The following NSMCE2 variants were observed in gnomAD, a reference collection of about 807,000 sequenced individuals.
The protein encoded by NSMCE2 is E3 SUMO-protein ligase NSE2.
In NSMCE2, 24 loss-of-function variants were observed where a neutral mutation model predicts 23.8. The observed-to-expected ratio is 1.01, with a 90% confidence interval of 0.73 to 1.42. NSMCE2 has a LOEUF of 1.42. Ranked by LOEUF, NSMCE2 falls within the 40% of genes most tolerant of loss-of-function variation. NSMCE2 has a pLI of 0.00. For missense variants in NSMCE2, 284 were observed against 296.5 expected (o/e 0.96, Z 0.31); for synonymous variants, 92 against 94.1 (o/e 0.98, Z 0.13).
chr8:125,274,632 G>A lies in NSMCE2; in HGVS notation c.419-82587G>A, dbSNP rs2131101453. On this transcript the variant is annotated intron_variant, in intron 5 of 7. Coordinates refer to ENST00000287437, the MANE Select transcript of NSMCE2 (RefSeq NM_173685.4). Reference sequence around the variant, plus strand: ...TTCACTGACAAGGAATAGAATTCTAGTAAGTAACTATTTGTGGCCAGGCAC... The same window carrying A: ...TTCACTGACAAGGAATAGAATTCTAATAAGTAACTATTTGTGGCCAGGCAC... Among the ~76,000 whole-genome samples the A allele has an allele frequency of 2.6e-5, 4 of 152,224 alleles. No individual in the cohort carries two copies. The South Asian group carries it at 8.3e-4, about 32-fold the overall frequency.
rs921682791 is a variant in NSMCE2, at chr8:125,315,620, C to CCT, written c.419-41598_419-41597dup. On this transcript the variant is annotated intron_variant, in intron 5 of 7. Transcript: ENST00000287437. ...AGCTTTCCCTCTCCTTTTAATAGAA[C>CCT]CTTGCTAAAGGTTAGTTCCTTTCCC... is the stretch of plus-strand genomic sequence containing the variant. Among the ~76,000 whole-genome samples the CCT allele has an allele frequency of 4.3e-4, 66 of 152,296 alleles. 2 individuals carry two copies. In the South Asian group the frequency reaches 0.013, roughly 31 times the overall value.
rs145125475 is a variant in NSMCE2, at chr8:125,310,566, C to T, written c.419-46653C>T. On this transcript the variant is annotated intron_variant, in intron 5 of 7. Transcript: ENST00000287437. Reference sequence around the variant, plus strand: ...GTTTTGTTGCTGTTTCTCATAACTACATTTAAATTCCCGGTTACTTTAAGC... The same window carrying T: ...GTTTTGTTGCTGTTTCTCATAACTATATTTAAATTCCCGGTTACTTTAAGC... Among the ~76,000 whole-genome samples the T allele has an allele frequency of 7.9e-3, 1,208 of 152,296 alleles. 10 individuals carry two copies. The highest frequency in any genetic ancestry group is 0.013 in the Non-Finnish European group (917 of 68,014).
At chr8:125,328,725 CA>C (rs1393558383) in intron 5 of NSMCE2, among the ~76,000 whole-genome samples, 1 of 152,200 alleles carries the variant, frequency 6.6e-6, no homozygotes, top group Non-Finnish European at 1.5e-5. Flanking sequence ...TCATCAGAAA[CA>C]GTAGCAACCT....
intron 5 of NSMCE2, among the ~76,000 whole-genome samples, chr8:125,249,973 A>G (rs1826136092): frequency 1.3e-5 from 2 of 152,132 alleles, no homozygotes; most frequent in South Asian, 2.1e-4. Context: ...GTATTTTATT[A>G]TTTATTTGTT....
intron 5 of NSMCE2, among the ~76,000 whole-genome samples, chr8:125,299,675 A>G (rs971317660): frequency 1.3e-5 from 2 of 152,068 alleles, no homozygotes; most frequent in Non-Finnish European, 2.9e-5. Context: ...CAACCCCTTT[A>G]ATGCATTTAT....
intron 5 of NSMCE2, among the ~76,000 whole-genome samples, chr8:125,298,203 T>C (rs1171705408): frequency 6.6e-6 from 1 of 152,212 alleles, no homozygotes; most frequent in Non-Finnish European, 1.5e-5. Flanking sequence ...GAGGTTGCAG[T>C]GAGCTGAGAT....
At chr8:125,221,397 C>T (rs1347619182) in intron 5 of NSMCE2, among the ~76,000 whole-genome samples, 1 of 152,200 alleles carries the variant, frequency 6.6e-6, no homozygotes, top group Non-Finnish European at 1.5e-5. Context: ...TTGTGTACCA[C>T]CATGCCTGGC....
chr8:125,170,710 C>T (rs1822157176), intron 4 of NSMCE2, among the ~76,000 whole-genome samples: 1 of 151,946 alleles, frequency 6.6e-6, no homozygotes, highest in Non-Finnish European at 1.5e-5. Flanking sequence ...ACCCAGCCAA[C>T]CTTATTATTT....
intron 5 of NSMCE2, among the ~76,000 whole-genome samples, chr8:125,339,813 T>C (rs1830174942): frequency 6.6e-6 from 1 of 152,120 alleles, no homozygotes; most frequent in African/African-American, 2.4e-5. Flanking sequence ...CACACTATGC[T>C]ACAGTCGTGG....
chr8:125,222,382 C>G (rs749899392), intron 5 of NSMCE2, among the ~76,000 whole-genome samples: 1 of 152,056 alleles, frequency 6.6e-6, no homozygotes. Flanking sequence ...CTTTTGAAAT[C>G]TCCTCTAAGT....
At chr8:125,192,564 C>T (rs1823404816) in intron 5 of NSMCE2, among the ~76,000 whole-genome samples, 1 of 152,114 alleles carries the variant, frequency 6.6e-6, no homozygotes, top group Non-Finnish European at 1.5e-5. Flanking sequence ...TTCAGAGCTA[C>T]TTGTATAGAA....
intron 5 of NSMCE2, among the ~76,000 whole-genome samples, chr8:125,214,097 A>C (rs2130895162): frequency 6.6e-6 from 1 of 152,288 alleles, no homozygotes; most frequent in Non-Finnish European, 1.5e-5. Flanking sequence ...AAATATTATA[A>C]TTGTATCCCA....
Position 125,343,982 on chromosome 8 carries a change from G to A in NSMCE2, c.419-13237G>A, listed in dbSNP as rs548034534. Among the ~76,000 whole-genome samples the A allele has an allele frequency of 2.0e-4, 31 of 152,234 alleles. No homozygotes were observed. In the East Asian group the frequency reaches 5.8e-3, roughly 28 times the overall value. On this transcript the variant is annotated intron_variant, in intron 5 of 7. Transcript: ENST00000287437. ...GATCGCGCCACTGCACACCAGCCTG[G>A]GGAACAGAGGGAGACTCCATCTCAA...
chr8:125,183,130 G>C (rs549905961), intron 5 of NSMCE2, among the ~76,000 whole-genome samples: 1 of 152,262 alleles, frequency 6.6e-6, no homozygotes, highest in African/African-American at 2.4e-5. Flanking sequence ...CATGGAGCAG[G>C]AGTGTTGTAT....
At chr8:125,289,215 A>C (rs941148114) in intron 5 of NSMCE2, among the ~76,000 whole-genome samples, 1 of 152,224 alleles carries the variant, frequency 6.6e-6, no homozygotes, top group African/African-American at 2.4e-5. Flanking sequence ...ATCAGAACAC[A>C]TGAAAAGCAT....
At chr8:125,130,101 T>C (rs1018048573) in intron 3 of NSMCE2, 10 of 331,672 alleles carry the variant, frequency 3.0e-5, no homozygotes, top group Non-Finnish European at 5.5e-5. Context: ...GGTTTCGCTT[T>C]TTTTTTTCTT....
chr8:125,273,476 A>G (rs912998378), intron 5 of NSMCE2, among the ~76,000 whole-genome samples: 1 of 152,200 alleles, frequency 6.6e-6, no homozygotes, highest in Non-Finnish European at 1.5e-5. Context: ...TACTTTCACA[A>G]TGCCTTCCTG....
chr8:125,121,632 G>A (rs1292400798), intron 3 of NSMCE2, among the ~76,000 whole-genome samples: 2 of 152,130 alleles, frequency 1.3e-5, no homozygotes, highest in Non-Finnish European at 2.9e-5. Context: ...TGACCTAGCA[G>A]CCTGATTCTG....
In NSMCE2 at chr8:125,272,674, G is replaced by GTA. The variant is rs761243224; in HGVS notation, c.419-84535_419-84534dup. On this transcript the variant is annotated intron_variant, in intron 5 of 7. Transcript: ENST00000287437. ...ACAGTTATAGAAATTGCCTTATTAT[G>GTA]TATATATATATCCCAGCTACTTGGG... Among the ~76,000 whole-genome samples, 11 of 122,212 alleles carry GTA rather than the reference G, an allele frequency of 9.0e-5. 1 individual carries two copies. Among genetic ancestry groups the GTA allele is most frequent in the Admixed American group, 1.6e-4 (2 of 12,824 alleles). 80.2% of individuals were successfully genotyped at this position (122,212 alleles called of 152,430 possible).
Sources: allele counts gnomAD v4.1 joint callset (sites outside exome capture counted in the v4.1 genomes callset), GRCh38; gene constraint gnomAD v4.1.1; transcripts MANE v1.5; gene names NCBI Gene and HGNC (gene_info 2026-07-23, HGNC 2026-07-21).